Variants in ETS1 observed in about 807,000 individuals in gnomAD.
The protein encoded by ETS1 is ETS proto-oncogene 1, transcription factor, also known as protein C-ets-1.
ETS1 carries 15 observed loss-of-function variants against 58.6 expected under a neutral mutation model. The observed-to-expected ratio is 0.26, with a 90% CI of 0.17 to 0.39. The LOEUF (loss-of-function observed/expected upper bound fraction) is 0.39. Among genes scored for constraint, ETS1 ranks in the 10% least tolerant of loss-of-function variants. The pLI is 1.00. For synonymous variants in ETS1, 214 were observed against 218.2 expected (o/e 0.98, Z 0.17); for missense variants, 417 against 610.5 (o/e 0.68, Z 3.34).
intron 2 of ETS1, among the ~76,000 whole-genome samples, chr11:128,564,260 A>G (rs1184528734): frequency 6.6e-6 from 1 of 152,188 alleles, no homozygotes; most frequent in African/African-American, 2.4e-5. Flanking sequence ...AAGCAGGAAC[A>G]GGCAAAATAG....
At chr11:128,519,704 A>G (rs1317432410) in intron 3 of ETS1, among the ~76,000 whole-genome samples, 3 of 152,178 alleles carry the variant, frequency 2.0e-5, no homozygotes, top group African/African-American at 7.2e-5. Flanking sequence ...TTGCAACATT[A>G]CTCAAAGCAA....
At chr11:128,502,327 G>A (rs1863112262) in intron 3 of ETS1, among the ~76,000 whole-genome samples, 1 of 152,202 alleles carries the variant, frequency 6.6e-6, no homozygotes, top group African/African-American at 2.4e-5. Context: ...TGCTGAGAAG[G>A]GAGAGATGAG....
At chr11:128,561,509 G>A (rs1175654967) in intron 2 of ETS1, among the ~76,000 whole-genome samples, 5 of 152,220 alleles carry the variant, frequency 3.3e-5, no homozygotes, top group Non-Finnish European at 5.9e-5. Context: ...TACTGAGTTT[G>A]GGGGCACCCC....
chr11:128,573,878 A>T (rs1456751698), intron 1 of ETS1, among the ~76,000 whole-genome samples: 1 of 152,234 alleles, frequency 6.6e-6, no homozygotes, highest in African/African-American at 2.4e-5. Context: ...TAAACTTAAT[A>T]CTATGCATTT....
rs900651181 is a variant in ETS1 at position 128,464,081 on chromosome 11, G to C, written c.1124-454C>G. 6.5e-6 allele frequency: 1 copy of C among 153,198 alleles called. No homozygotes were observed. The highest frequency in any genetic ancestry group is 1.5e-5 in the Non-Finnish European group (1 of 68,792). The allele number at this position is 153,198 out of a possible 1,614,324, so 9.5% of individuals were successfully genotyped here. On this transcript the variant is annotated intron_variant, in intron 8 of 9. Coordinates refer to ENST00000392668, the MANE Select transcript of ETS1 (RefSeq NM_001143820.2). This position sits in a 1 kb window ranked among gnomAD's most constrained non-coding sequence, Gnocchi z 4.1. ...TATGGCTCATAAGCACTGCTCTGTA[G>C]TAGGGAGCCTGTGGCCCCTGATTTG...
At chr11:128,531,488 G>T (rs1863896946) in intron 3 of ETS1, among the ~76,000 whole-genome samples, 2 of 152,200 alleles carry the variant, frequency 1.3e-5, no homozygotes, top group South Asian at 4.1e-4. Flanking sequence ...ATGAAGAAAT[G>T]AGGACACAGT....
chr11:128,493,654 T>C (rs567483528), intron 3 of ETS1, among the ~76,000 whole-genome samples: 1 of 152,302 alleles, frequency 6.6e-6, no homozygotes, highest in South Asian at 2.1e-4. Context: ...GCCAAAGGAT[T>C]CAGATGTAAA....
intron 8 of ETS1, among the ~76,000 whole-genome samples, chr11:128,478,354 AAGGAAGGAGG>A (rs1862383506): frequency 1.7e-5 from 1 of 60,380 alleles, no homozygotes; most frequent in South Asian, 7.8e-4. Flanking sequence ...AGGAAGGAGG[AAGGAAGGAGG>A]AAGGAAGGGA....
chr11:128,501,235 A>G (rs1863081715), intron 3 of ETS1, among the ~76,000 whole-genome samples: 1 of 152,150 alleles, frequency 6.6e-6, no homozygotes, highest in Non-Finnish European at 1.5e-5. Flanking sequence ...GAGCATCACA[A>G]GCATTCATAG....
chr11:128,486,441 C>T (rs1428653018), intron 5 of ETS1, among the ~76,000 whole-genome samples: 4 of 152,192 alleles, frequency 2.6e-5, no homozygotes, highest in Non-Finnish European at 5.9e-5. Flanking sequence ...CATTCATTCT[C>T]AATGCATTCG....
rs1555086212 is a variant in ETS1, at chr11:128,548,132, A to AAAGGAAAGGAAAGGGAAGGG, written c.214+8158_214+8159insCCCTTCCCTTTCCTTTCCTT. Among the ~76,000 whole-genome samples, 15 of 84,016 alleles carry AAAGGAAAGGAAAGGGAAGGG rather than the reference A, an allele frequency of 1.8e-4. 1 individual carries two copies. The highest frequency in any genetic ancestry group is 8.4e-4 in the African/African-American group (14 of 16,610). The allele number at this position is 84,016 out of a possible 152,430, so 55.1% of individuals were successfully genotyped here. ...AAAGGGAAGGAAAGGAAAGGAAAGG[A>AAAGGAAAGGAAAGGGAAGGG]AAGGGAAGGGAAGGGAAGGGAAGGA... On this transcript the variant is annotated intron_variant, in intron 3 of 9. Coordinates refer to ENST00000392668, the MANE Select transcript of ETS1 (RefSeq NM_001143820.2).
intron 3 of ETS1, among the ~76,000 whole-genome samples, chr11:128,540,999 C>T (rs1395549281): frequency 6.6e-6 from 1 of 152,218 alleles, no homozygotes; most frequent in Non-Finnish European, 1.5e-5. Context: ...CGAGCTCTGT[C>T]CTCATTCTGC....
At chr11:128,580,266 G>A (rs1425687279) in intron 1 of ETS1, among the ~76,000 whole-genome samples, 2 of 149,624 alleles carry the variant, frequency 1.3e-5, no homozygotes, top group Non-Finnish European at 3.0e-5. Context: ...TTAACTACAA[G>A]CAAGATGGCA....
chr11:128,501,191 C>A (rs766563668), intron 3 of ETS1, among the ~76,000 whole-genome samples: 1 of 152,190 alleles, frequency 6.6e-6, no homozygotes, highest in African/African-American at 2.4e-5. Context: ...CCTCGCTCCA[C>A]CTAGAAGCAT....
At position 128,510,743 on chromosome 11, in the gene ETS1, C is replaced by T. The variant is rs181353810; in HGVS notation, c.215-20167G>A. Among the ~76,000 whole-genome samples the T allele has an allele frequency of 1.2e-3, 189 of 152,294 alleles. 1 individual carries two copies. The highest frequency in any genetic ancestry group is 3.7e-3 in the African/African-American group (155 of 41,542). On this transcript the variant is annotated intron_variant, in intron 3 of 9. Coordinates refer to ENST00000392668, the MANE Select transcript of ETS1 (RefSeq NM_001143820.2). ...ACTTCCCATCCCTACCTCCCCTTCC[C>T]TAGTAATCCAGAGGTACTCAAGGTC...
intron 8 of ETS1, among the ~76,000 whole-genome samples, chr11:128,473,931 C>T (rs1344725885): frequency 6.6e-6 from 1 of 152,214 alleles, no homozygotes; most frequent in Non-Finnish European, 1.5e-5. Flanking sequence ...GTGTGGATGT[C>T]TCAGCAGCAC....
At chr11:128,567,498 G>A (rs915395970) in intron 2 of ETS1, among the ~76,000 whole-genome samples, 4 of 152,208 alleles carry the variant, frequency 2.6e-5, no homozygotes, top group African/African-American at 7.2e-5. Flanking sequence ...ACAGTCTTTT[G>A]TTGGACAGTT....
At chr11:128,467,354 T>C (rs1043622773) in intron 8 of ETS1, among the ~76,000 whole-genome samples, 5 of 152,124 alleles carry the variant, frequency 3.3e-5, no homozygotes, top group African/African-American at 1.2e-4. Flanking sequence ...TCCAGGCCCA[T>C]CAGAAGTTCT....
At chr11:128,555,203 A>G (rs2135556729) in intron 3 of ETS1, among the ~76,000 whole-genome samples, 2 of 152,294 alleles carry the variant, frequency 1.3e-5, no homozygotes, top group South Asian at 4.1e-4. Flanking sequence ...CCCACCATAC[A>G]CACAGCCCAT....
Sources: allele counts gnomAD v4.1 joint callset (sites outside exome capture counted in the v4.1 genomes callset), GRCh38; gene constraint gnomAD v4.1.1; non-coding constraint Gnocchi (gnomAD v3.1); transcripts MANE v1.5; gene names NCBI Gene and HGNC (gene_info 2026-07-23, HGNC 2026-07-21).